Variants in XG observed in about 807,000 individuals in gnomAD.
XG encodes the protein glycoprotein Xg.
A neutral mutation model predicts 25.7 loss-of-function variants in XG; 24 were observed. The ratio of observed to expected loss-of-function variants is 0.93; its 90% CI spans 0.68 to 1.31. XG has a LOEUF of 1.31. Among genes scored for constraint, XG ranks in the 40% most tolerant of loss-of-function variants. XG has a pLI of 0.00. For missense variants in XG, 181 were observed against 187.6 expected (o/e 0.96, Z 0.21); for synonymous variants, 77 against 69.2 (o/e 1.11, Z -0.56).
chrX:2,808,508 C>G, intron 9 of XG: 1 of 975,168 alleles, frequency 1.0e-6, no homozygotes, highest in Non-Finnish European at 1.3e-6. Flanking sequence ...ACATTTCTCC[C>G]AGTACCACCA....
At chrX:2,768,546 T>C (rs1488017143) in intron 1 of XG, among the ~76,000 whole-genome samples, 1 of 152,076 alleles carries the variant, frequency 6.6e-6, no homozygotes, top group African/African-American at 2.4e-5. Context: ...GGCAGGTGGG[T>C]CACTTGAGGT....
chrX:2,772,709 A>C (rs1362661858), intron 2 of XG, among the ~76,000 whole-genome samples: 1 of 152,244 alleles, frequency 6.6e-6, no homozygotes, highest in African/African-American at 2.4e-5. Context: ...TTTATATGTG[A>C]GTTTCACATT....
chrX:2,768,249 C>T (rs1346311189), intron 1 of XG, among the ~76,000 whole-genome samples: 4 of 152,076 alleles, frequency 2.6e-5, no homozygotes, highest in Non-Finnish European at 4.4e-5. Flanking sequence ...CTGGGATGGG[C>T]GGAGACATAA....
At chrX:2,805,184 G>A (rs1397605473) in intron 7 of XG, among the ~76,000 whole-genome samples, 5 of 112,635 alleles carry the variant, frequency 4.4e-5, no homozygotes, top group Non-Finnish European at 9.4e-5. Context: ...AGGGGTGAGG[G>A]CTGACCGTGG....
At chrX:2,812,746 AT>A in intron 10 of XG, among the ~76,000 whole-genome samples, 1 of 111,654 alleles carries the variant, frequency 9.0e-6, no homozygotes, top group East Asian at 2.8e-4. Flanking sequence ...CTGAGAGCAG[AT>A]TCTTGGGTTC....
intron 5 of XG, among the ~76,000 whole-genome samples, chrX:2,791,089 A>C (rs750006161): frequency 1.2e-4 from 13 of 109,348 alleles, no homozygotes; most frequent in Non-Finnish European, 2.1e-4. Flanking sequence ...TGTTCTACTC[A>C]CTTATTCTTC....
At chrX:2,800,241 G>A (rs1395928111) in intron 7 of XG, among the ~76,000 whole-genome samples, 3 of 111,334 alleles carry the variant, frequency 2.7e-5, no homozygotes, top group Non-Finnish European at 5.7e-5. Context: ...TTATGCAGAT[G>A]AAGGTTCCCA....
At chrX:2,757,909 T>C in intron 1 of XG, among the ~76,000 whole-genome samples, 1 of 139,958 alleles carries the variant, frequency 7.1e-6, no homozygotes. Context: ...GAGGCGGAGG[T>C]TGCAATCAGC....
At chrX:2,759,919 A>C (rs1407202094) in intron 1 of XG, among the ~76,000 whole-genome samples, 1 of 152,180 alleles carries the variant, frequency 6.6e-6, no homozygotes, top group Non-Finnish European at 1.5e-5. Context: ...ACTCTGCTGT[A>C]GTCTGTGAAT....
At chrX:2,812,902 CA>C (rs2087071589) in intron 10 of XG, among the ~76,000 whole-genome samples, 1 of 111,840 alleles carries the variant, frequency 8.9e-6, no homozygotes, top group African/African-American at 3.3e-5. Flanking sequence ...CCCATCTCCA[CA>C]AGCACAAAAT....
chrX:2,774,731 CA>C lies in XG; in HGVS notation c.122del (p.Asn41ThrfsTer115), dbSNP rs745633206. On this transcript the variant is annotated frameshift_variant, in exon 3 of 11. Coordinates refer to ENST00000644266, the MANE Select transcript of XG (RefSeq NM_001141919.2). LOFTEE classifies it high-confidence loss of function. ...ALDDPEPTKK[P>X]NSDIYPKPKP... Reference sequence around the variant, plus strand: ...TTGTTCACAGAACCCACCAAGAAGCCAAACTCAGGTGAGTGTCTCTTCAGCT... The same window carrying C: ...TTGTTCACAGAACCCACCAAGAAGCCAACTCAGGTGAGTGTCTCTTCAGCT... 9 of 1,613,594 alleles carry C rather than the reference CA, an allele frequency of 5.6e-6. No individual in the cohort carries two copies. The Admixed American group carries it at 1.5e-4, about 27-fold the overall frequency.
chrX:2,801,447 G>A (rs755670210), intron 7 of XG, among the ~76,000 whole-genome samples: 1 of 111,583 alleles, frequency 9.0e-6, no homozygotes, highest in South Asian at 3.8e-4. Context: ...GATTTACATA[G>A]GGCTTACAGA....
At chrX:2,787,033 G>C (rs1285491113) in intron 4 of XG, among the ~76,000 whole-genome samples, 1 of 108,434 alleles carries the variant, frequency 9.2e-6, no homozygotes, top group Non-Finnish European at 1.9e-5. Flanking sequence ...GGGAGATGAG[G>C]ACGCAGACAC....
At chrX:2,756,357 G>A (rs756623299) in intron 1 of XG, among the ~76,000 whole-genome samples, 1 of 152,222 alleles carries the variant, frequency 6.6e-6, no homozygotes, top group South Asian at 2.1e-4. Context: ...GACAGAGTTC[G>A]ATAGAAGAAA....
intron 1 of XG, chrX:2,752,841 T>C: frequency 1.3e-6 from 1 of 776,058 alleles, no homozygotes; most frequent in Non-Finnish European, 1.6e-6. Flanking sequence ...TCATTCATTC[T>C]TGCAAATTAA....
At chrX:2,776,610 G>C (rs1284172946) in intron 3 of XG, among the ~76,000 whole-genome samples, 1 of 152,036 alleles carries the variant, frequency 6.6e-6, no homozygotes, top group Non-Finnish European at 1.5e-5. Flanking sequence ...GGTGAGTAAA[G>C]GAAAAGGGAG....
chrX:2,779,778 C>T, intron 3 of XG, among the ~76,000 whole-genome samples: 1 of 152,080 alleles, frequency 6.6e-6, no homozygotes, highest in South Asian at 2.1e-4. Flanking sequence ...TCCCAAGTAG[C>T]TGGGATTACA....
Position 2,752,090 on chromosome X carries a change from T to C in XG, c.-185T>C, listed in dbSNP as rs1356969733. 4 of 906,726 alleles carry C rather than the reference T, an allele frequency of 4.4e-6. No individual in the cohort carries two copies. Among genetic ancestry groups the C allele is most frequent in the Non-Finnish European group, 6.6e-6 (4 of 604,008 alleles). The allele number at this position is 906,726 out of a possible 1,614,324, so 56.2% of individuals were successfully genotyped here. On this transcript the variant is annotated 5_prime_UTR_variant, in exon 1 of 11. Coordinates refer to ENST00000644266, the MANE Select transcript of XG (RefSeq NM_001141919.2). ...TCCCACAGGTTTTCAGCTGTGGAGTTTGGGATCTGAGCTTGGAGCCCATTT... is the reference window on the plus strand; with the variant it reads ...TCCCACAGGTTTTCAGCTGTGGAGTCTGGGATCTGAGCTTGGAGCCCATTT...
At chrX:2,807,452 TTGTG>T (rs1184344904) in intron 8 of XG, among the ~76,000 whole-genome samples, 5 of 110,965 alleles carry the variant, frequency 4.5e-5, no homozygotes, top group African/African-American at 1.3e-4. Flanking sequence ...ATGAATGTGT[TTGTG>T]TGTGCATATT....
Sources: gnomAD v4.1 joint callset for allele counts (sites outside exome capture counted in the v4.1 genomes callset) on GRCh38, gnomAD v4.1.1 for gene constraint, MANE v1.5 for transcripts, NCBI Gene and HGNC (gene_info 2026-07-23, HGNC 2026-07-21) for gene names.